The following DPP6 variants were observed in gnomAD, a reference collection of about 807,000 sequenced individuals.
DPP6 encodes the protein A-type potassium channel modulatory protein DPP6.
DPP6 carries 69 observed loss-of-function variants against 122.6 expected under a neutral mutation model. That is an observed-to-expected ratio of 0.56 (90% CI 0.46 to 0.69). The LOEUF (loss-of-function observed/expected upper bound fraction) is 0.69. Among genes scored for constraint, DPP6 ranks in the 30% least tolerant of loss-of-function variants. The pLI, the probability that DPP6 is intolerant of heterozygous loss-of-function variation, is 0.00. For synonymous variants in DPP6, 418 were observed against 433.1 expected, an observed-to-expected ratio of 0.97 and a Z score of 0.43; for missense variants, 928 against 1,116.9, an observed-to-expected ratio of 0.83 and a Z score of 2.41.
chr7:154,837,140 CAT>C (rs1333267483), intron 16 of DPP6, among the ~76,000 whole-genome samples: 1 of 151,924 alleles, frequency 6.6e-6, no homozygotes, highest in Non-Finnish European at 1.5e-5. Flanking sequence ...CACATTCACA[CAT>C]GCATGCACAC....
At chr7:153,824,345 C>T in the DPP6 span, among the ~76,000 whole-genome samples, 1 of 144,234 alleles carries the variant, frequency 6.9e-6, no homozygotes, top group Admixed American at 7.3e-5. Context: ...CAAGATCACA[C>T]CACTGCACTC....
intron 6 of DPP6, among the ~76,000 whole-genome samples, chr7:154,649,549 C>T (rs11979737): frequency 0.04 from 6,020 of 152,292 alleles, 284 homozygotes; most frequent in African/African-American, 0.11. Flanking sequence ...GCCCTCCGCC[C>T]GGTCACTGTG....
chr7:154,253,221 G>T (rs935684455), intron 1 of DPP6, among the ~76,000 whole-genome samples: 1 of 152,118 alleles, frequency 6.6e-6, no homozygotes, highest in Admixed American at 6.5e-5. Flanking sequence ...AGAAAAGAGG[G>T]CAACAAGTCA....
At chr7:154,242,647 C>G (rs750429099) in intron 1 of DPP6, among the ~76,000 whole-genome samples, 1 of 152,174 alleles carries the variant, frequency 6.6e-6, no homozygotes, top group Non-Finnish European at 1.5e-5. Flanking sequence ...TGCCTGGGAC[C>G]GTTTCCTGCA....
At chr7:154,794,344 C>CA in intron 11 of DPP6, 142 bp downstream of exon 11, 3 of 1,353,582 alleles carry the variant, frequency 2.2e-6, no homozygotes, top group Non-Finnish European at 2.9e-6. Context: ...GCCCGCGGCG[C>CA]AGAGTCCCGG....
intron 1 of DPP6, among the ~76,000 whole-genome samples, chr7:154,181,030 C>T (rs965687072): frequency 1.3e-5 from 2 of 152,190 alleles, no homozygotes; most frequent in African/African-American, 4.8e-5. Context: ...GTCAGCAGTA[C>T]TGACTCCTGT....
chr7:154,703,139 C>G lies in DPP6; in HGVS notation c.763-24628C>G, dbSNP rs138662324. 6.7e-3 allele frequency among the ~76,000 whole-genome samples: 1,019 copies of G among 152,290 alleles called. 5 individuals carry two copies. The highest frequency in any genetic ancestry group is 0.012 in the South Asian group (58 of 4,824). On this transcript the variant is annotated intron_variant, in intron 7 of 25. Coordinates refer to ENST00000377770, the MANE Select transcript of DPP6 (RefSeq NM_130797.4). The stretch of plus-strand genomic sequence containing the variant: ...AATATTTTAATCCCACTGTTGAGAC[C>G]TACTGCTCAGAAAGAAAGATTTCCT...
intron 1 of DPP6, among the ~76,000 whole-genome samples, chr7:154,185,609 C>A (rs1007552460): frequency 2.6e-5 from 4 of 152,096 alleles, no homozygotes; most frequent in Admixed American, 1.3e-4. Context: ...GGATTGTCAT[C>A]CTGATCGTTA....
chr7:153,764,197 A>G, the DPP6 span, among the ~76,000 whole-genome samples: 1 of 152,144 alleles, frequency 6.6e-6, no homozygotes, highest in Non-Finnish European at 1.5e-5. Flanking sequence ...ATTCAGAGAG[A>G]AACTTTTCCT....
intron 16 of DPP6, 107 bp downstream of exon 16, chr7:154,807,219 G>T: frequency 6.8e-7 from 1 of 1,465,160 alleles, no homozygotes; most frequent in Non-Finnish European, 9.1e-7. Flanking sequence ...TGGGAGCACA[G>T]CGTATTCCAG....
At chr7:154,137,642 G>GGGGGGGT (rs1795624545) in intron 1 of DPP6, among the ~76,000 whole-genome samples, 1 of 35,912 alleles carries the variant, frequency 2.8e-5, no homozygotes, top group African/African-American at 1.2e-4. Flanking sequence ...AGGAGATGGT[G>GGGGGGGT]GGGGGGGTGG....
At chr7:154,219,311 G>T (rs1800174230) in intron 1 of DPP6, among the ~76,000 whole-genome samples, 1 of 152,130 alleles carries the variant, frequency 6.6e-6, no homozygotes, top group African/African-American at 2.4e-5. Context: ...GCCTACTCAG[G>T]CAGTAGTGGG....
At position 154,675,778 on chromosome 7, in the gene DPP6, G is replaced by C. The variant is rs11973537; in HGVS notation, c.762+6337G>C. On this transcript the variant is annotated intron_variant, in intron 7 of 25. Coordinates refer to ENST00000377770, the MANE Select transcript of DPP6 (RefSeq NM_130797.4). ...GCTGCCCGTTGCCCTGCTCTGGCAC[G>C]GTCACTCTCATAACTGTCCCCGTCT... Among the ~76,000 whole-genome samples the C allele has an allele frequency of 3.6e-3, 547 of 152,244 alleles. 2 individuals carry two copies. The highest frequency in any genetic ancestry group is 0.012 in the African/African-American group (504 of 41,530).
intron 1 of DPP6, among the ~76,000 whole-genome samples, chr7:154,181,156 G>C (rs1286428311): frequency 6.6e-6 from 1 of 152,198 alleles, no homozygotes; most frequent in Non-Finnish European, 1.5e-5. Flanking sequence ...CCACAGATCT[G>C]ATGCATTTCA....
At chr7:153,967,567 G>A (rs1472722215) in intron 1 of DPP6, among the ~76,000 whole-genome samples, 1 of 152,150 alleles carries the variant, frequency 6.6e-6, no homozygotes, top group East Asian at 1.9e-4. Flanking sequence ...TGACCTCGGG[G>A]GTGTTTCTCT....
the DPP6 span, among the ~76,000 whole-genome samples, chr7:153,774,807 A>T: frequency 6.6e-6 from 1 of 151,980 alleles, no homozygotes; most frequent in Admixed American, 6.6e-5. Context: ...TCTATGAAAA[A>T]TTTTTAAGTT....
At position 154,867,451 on chromosome 7, in the gene DPP6, G is replaced by A. The variant is rs551578708; in HGVS notation, c.1715-544G>A. On this transcript the variant is annotated intron_variant, in intron 17 of 25. Coordinates refer to ENST00000377770, the MANE Select transcript of DPP6 (RefSeq NM_130797.4). Reference sequence around the variant, plus strand: ...CTGCAGTGTGAAGCAAGGCTCACACGACTCCACTGTCCACAAATACAGTCA... The same window carrying A: ...CTGCAGTGTGAAGCAAGGCTCACACAACTCCACTGTCCACAAATACAGTCA... Among the ~76,000 whole-genome samples the A allele has an allele frequency of 3.9e-5, 6 of 152,312 alleles. No individual in the cohort carries two copies. In the East Asian group the frequency reaches 5.8e-4, roughly 15 times the overall value.
At chr7:154,213,757 A>C (rs1337232190) in intron 1 of DPP6, among the ~76,000 whole-genome samples, 1 of 152,130 alleles carries the variant, frequency 6.6e-6, no homozygotes. Flanking sequence ...ATTAATTGAA[A>C]TCATAGGAGC....
At chr7:154,220,568 A>G (rs529856790) in intron 1 of DPP6, among the ~76,000 whole-genome samples, 1 of 152,282 alleles carries the variant, frequency 6.6e-6, no homozygotes, top group South Asian at 2.1e-4. Flanking sequence ...CCGAGCCTAA[A>G]TTAAAAGTTA....
Sources: allele counts gnomAD v4.1 joint callset (sites outside exome capture counted in the v4.1 genomes callset), GRCh38; gene constraint gnomAD v4.1.1; transcripts MANE v1.5; gene names NCBI Gene and HGNC (gene_info 2026-07-23, HGNC 2026-07-21).